Variants in CSMD3 observed in about 807,000 individuals in gnomAD.
CSMD3 encodes CUB and Sushi multiple domains 3, also known as CUB and sushi domain-containing protein 3.
CSMD3 carries 177 observed loss-of-function variants against 435.2 expected under a neutral mutation model. The ratio of observed to expected loss-of-function variants is 0.41; its 90% CI spans 0.36 to 0.46. CSMD3 has a LOEUF of 0.46. Ranked by LOEUF, CSMD3 falls within the 20% of genes least tolerant of loss-of-function variation. The pLI, the probability that CSMD3 is intolerant of heterozygous loss-of-function variation, is 0.34. For missense variants in CSMD3, 4,265 were observed against 4,504.6 expected, an observed-to-expected ratio of 0.95 and a Z score of 1.52; for synonymous variants, 1,656 against 1,520.5, an observed-to-expected ratio of 1.09 and a Z score of -2.07.
intron 10 of CSMD3, among the ~76,000 whole-genome samples, chr8:112,874,575 C>A (rs2081227502): frequency 6.6e-6 from 1 of 152,062 alleles, no homozygotes; most frequent in Admixed American, 6.6e-5. Flanking sequence ...TTTTATGAAT[C>A]TGAGTTCTCC....
intron 26 of CSMD3, among the ~76,000 whole-genome samples, chr8:112,551,685 T>C (rs1338572103): frequency 6.6e-6 from 1 of 152,074 alleles, no homozygotes; most frequent in East Asian, 1.9e-4. Flanking sequence ...GGGGATGATA[T>C]AGTGTAGTCT....
At chr8:112,475,442 A>G (rs1480297969) in intron 31 of CSMD3, among the ~76,000 whole-genome samples, 1 of 152,158 alleles carries the variant, frequency 6.6e-6, no homozygotes, top group Non-Finnish European at 1.5e-5. Context: ...ACTTGTAAAC[A>G]TAATTTTATG....
chr8:113,366,518 C>G (rs1298125440), intron 1 of CSMD3, among the ~76,000 whole-genome samples: 1 of 152,036 alleles, frequency 6.6e-6, no homozygotes, highest in African/African-American at 2.4e-5. Context: ...ATAGTGAAAA[C>G]AAGCATGGCC....
At chr8:112,900,826 C>T (rs1292335419) in intron 10 of CSMD3, among the ~76,000 whole-genome samples, 1 of 151,146 alleles carries the variant, frequency 6.6e-6, no homozygotes, top group African/African-American at 2.4e-5. Context: ...TAATGGTCAA[C>T]CAGGCAATAA....
intron 24 of CSMD3, among the ~76,000 whole-genome samples, chr8:112,558,323 G>T (rs1377368419): frequency 1.3e-5 from 2 of 151,808 alleles, no homozygotes; most frequent in Non-Finnish European, 2.9e-5. Context: ...TAGGGGTCCT[G>T]CCCCATACCC....
intron 22 of CSMD3, among the ~76,000 whole-genome samples, chr8:112,623,389 C>CA (rs1004546876): frequency 2.0e-5 from 3 of 151,692 alleles, no homozygotes; most frequent in African/African-American, 7.3e-5. Context: ...TCCTTCCACA[C>CA]AAAAAAAATA....
At chr8:112,792,212 A>G (rs1391319630) in intron 13 of CSMD3, among the ~76,000 whole-genome samples, 2 of 152,100 alleles carry the variant, frequency 1.3e-5, no homozygotes, top group African/African-American at 4.8e-5. Context: ...AATTTTTTTA[A>G]TATCTTAGTT....
At chr8:112,848,919 T>C (rs1366670828) in intron 11 of CSMD3, among the ~76,000 whole-genome samples, 1 of 152,118 alleles carries the variant, frequency 6.6e-6, no homozygotes, top group African/African-American at 2.4e-5. Context: ...TAATTCACCT[T>C]GGTCATGGTA....
intron 3 of CSMD3, among the ~76,000 whole-genome samples, chr8:113,220,911 G>C (rs1177501245): frequency 6.6e-6 from 1 of 151,254 alleles, no homozygotes; most frequent in Non-Finnish European, 1.5e-5. Flanking sequence ...TTCCAGCTGA[G>C]AATTCATAAC....
At chr8:112,952,386 G>A (rs1010523245) in intron 8 of CSMD3, among the ~76,000 whole-genome samples, 2 of 151,372 alleles carry the variant, frequency 1.3e-5, no homozygotes, top group Admixed American at 6.6e-5. Flanking sequence ...AAGAACATGA[G>A]CTTTATTATT....
intron 31 of CSMD3, among the ~76,000 whole-genome samples, chr8:112,478,462 A>G (rs1029824629): frequency 6.6e-6 from 1 of 152,216 alleles, no homozygotes; most frequent in Non-Finnish European, 1.5e-5. Context: ...GTCATTGGGA[A>G]TTGGAGCAAA....
At chr8:112,860,465 T>C (rs1006910780) in intron 10 of CSMD3, among the ~76,000 whole-genome samples, 4 of 151,780 alleles carry the variant, frequency 2.6e-5, no homozygotes, top group Admixed American at 6.6e-5. Flanking sequence ...TTCAATCTTT[T>C]TTCCCCATTT....
intron 13 of CSMD3, among the ~76,000 whole-genome samples, chr8:112,791,321 A>G (rs200670383): frequency 0.097 from 2,720 of 27,916 alleles, 87 homozygotes; most frequent in African/African-American, 0.15. Context: ...TATCCTGTGA[A>G]AAAAAAAAAA....
chr8:112,795,300 A>C (rs1454204855), intron 13 of CSMD3, among the ~76,000 whole-genome samples: 1 of 152,142 alleles, frequency 6.6e-6, no homozygotes, highest in Non-Finnish European at 1.5e-5. Flanking sequence ...TACAGAAATG[A>C]AAGTTTGTCC....
chr8:112,289,878 T>C (rs992064013), intron 56 of CSMD3, among the ~76,000 whole-genome samples: 2 of 152,132 alleles, frequency 1.3e-5, no homozygotes, highest in Non-Finnish European at 2.9e-5. Flanking sequence ...GAACTGTATC[T>C]GTTCCTGGTA....
chr8:112,292,092 C>A (rs1218531892), intron 55 of CSMD3, among the ~76,000 whole-genome samples: 1 of 152,004 alleles, frequency 6.6e-6, no homozygotes, highest in Non-Finnish European at 1.5e-5. Context: ...TCTCCTTAAT[C>A]TGTTTCTATA....
intron 5 of CSMD3, among the ~76,000 whole-genome samples, chr8:113,047,901 G>A (rs1036704829): frequency 3.3e-5 from 5 of 152,008 alleles, no homozygotes; most frequent in African/African-American, 1.2e-4. Context: ...TATTGTTTCA[G>A]AATACTACTG....
intron 13 of CSMD3, among the ~76,000 whole-genome samples, chr8:112,795,471 A>G (rs2194601): frequency 0.2 from 31,162 of 152,150 alleles, 4,027 homozygotes; most frequent in Non-Finnish European, 0.3. Flanking sequence ...CCCTTGTCAA[A>G]TATATTAAAT....
At chr8:113,004,940 A>G (rs2086000491) in intron 6 of CSMD3, among the ~76,000 whole-genome samples, 1 of 151,890 alleles carries the variant, frequency 6.6e-6, no homozygotes, top group Non-Finnish European at 1.5e-5. Flanking sequence ...AATTTTATTT[A>G]AATTGTACTA....
Sources: allele counts gnomAD v4.1 joint callset (sites outside exome capture counted in the v4.1 genomes callset), GRCh38; gene constraint gnomAD v4.1.1; transcripts MANE v1.5; gene names NCBI Gene and HGNC (gene_info 2026-07-23, HGNC 2026-07-21).